Variants in XRCC5 observed in about 807,000 individuals in gnomAD.
XRCC5 encodes the protein DNA repair protein Ku80.
XRCC5 carries 12 observed loss-of-function variants against 95.7 expected under a neutral mutation model. The ratio of observed to expected loss-of-function variants is 0.13; its 90% CI spans 0.08 to 0.20. XRCC5 has a LOEUF of 0.20. Among genes scored for constraint, XRCC5 ranks in the 10% least tolerant of loss-of-function variants. The pLI is 1.00. For missense variants in XRCC5, 595 were observed against 873.9 expected (o/e 0.68, Z 4.02); for synonymous variants, 281 against 290.3 (o/e 0.97, Z 0.33).
intron 2 of XRCC5, among the ~76,000 whole-genome samples, chr2:216,115,708 CATT>C (rs1262943767): frequency 6.6e-6 from 1 of 152,102 alleles, no homozygotes; most frequent in Admixed American, 6.5e-5. Context: ...TTTTATATTT[CATT>C]ATGAAATATT....
chr2:216,174,931 C>A, intron 16 of XRCC5: 1 of 344,458 alleles, frequency 2.9e-6, no homozygotes, highest in Non-Finnish European at 5.6e-6. Context: ...ACGTCTACCG[C>A]CAGATCCGTA....
chr2:216,156,145 T>A (rs139671387), intron 14 of XRCC5, among the ~76,000 whole-genome samples: 2 of 152,364 alleles, frequency 1.3e-5, no homozygotes, highest in African/African-American at 4.8e-5. Context: ...TCATACAGAT[T>A]TCACAGCTTT....
rs1322923590 is a variant in XRCC5 at position 216,122,242 on chromosome 2, T to G, written c.672T>G (p.Ile224Met). The change falls in exon 6 of 21, where the codon ATT becomes ATG. Residue 224 changes from isoleucine (I) to methionine (M), a missense_variant. Around this residue, in one of 2 missense-constraint regions of XRCC5, gnomAD observed 286 missense variants for 491.1 expected, o/e 0.58. Transcript: ENST00000392132. ...AAGGTGAAGATGGGTTGGATGAAAT[T>G]TATTCATTCAGGTAAGAATTGAAAA... ...SLEGEDGLDEIYSFSESLRKL... is the reference protein window; with the variant it reads ...SLEGEDGLDEMYSFSESLRKL... The G allele has an allele frequency of 6.2e-7, 1 of 1,609,032 alleles. No individual in the cohort carries two copies. Among genetic ancestry groups the G allele is most frequent in the East Asian group, 2.2e-5 (1 of 44,864 alleles).
Position 216,138,130 on chromosome 2 carries a change from G to A in XRCC5, c.1293G>A (p.Arg431=), listed in dbSNP as rs778855570. The A allele has an allele frequency of 9.9e-6, 16 of 1,613,298 alleles. No homozygotes were observed. Among genetic ancestry groups the A allele is most frequent in the Non-Finnish European group, 1.4e-5 (16 of 1,179,916 alleles). Residue 431 remains arginine, a synonymous_variant, in exon 12 of 21, where the codon CGG becomes CGA. Coordinates refer to ENST00000392132, the MANE Select transcript of XRCC5 (RefSeq NM_021141.4). Reference sequence around the variant, plus strand: ...AGCTGCCTTTCATGGAAGACTTGCGGCAATACATGTTTTCATCCTTGAAAA... The same window carrying A: ...AGCTGCCTTTCATGGAAGACTTGCGACAATACATGTTTTCATCCTTGAAAA... ...YVQLPFMEDL[R]QYMFSSLKNS...
intron 16 of XRCC5, among the ~76,000 whole-genome samples, chr2:216,187,528 A>G (rs1259333167): frequency 7.7e-6 from 1 of 129,182 alleles, no homozygotes; most frequent in Non-Finnish European, 1.6e-5. Flanking sequence ...GTGTTCTATC[A>G]TATTTCAGGA....
chr2:216,187,861 T>TCTCTCTCCCC (rs143232624), intron 16 of XRCC5, among the ~76,000 whole-genome samples: 1 of 116,234 alleles, frequency 8.6e-6, no homozygotes, highest in African/African-American at 4.2e-5. Context: ...TCTCTCTCTC[T>TCTCTCTCCCC]CCCCGTCTCC....
At chr2:216,194,169 G>A (rs761527428) in intron 18 of XRCC5, among the ~76,000 whole-genome samples, 2 of 152,128 alleles carry the variant, frequency 1.3e-5, no homozygotes, top group Non-Finnish European at 2.9e-5. Flanking sequence ...CTCTCTTAAC[G>A]TCCATAGGTT....
intron 19 of XRCC5, 60 bp downstream of exon 19, chr2:216,195,046 A>T: frequency 6.5e-7 from 1 of 1,534,058 alleles, no homozygotes. Context: ...TATTTTCTTG[A>T]TACCCTCGAA....
chr2:216,203,342 C>T (rs772457366), intron 19 of XRCC5, among the ~76,000 whole-genome samples: 1 of 152,222 alleles, frequency 6.6e-6, no homozygotes, highest in Non-Finnish European at 1.5e-5. Flanking sequence ...AAAACACTCA[C>T]TCCTACAGGC....
In XRCC5 at chr2:216,192,629, G is replaced by C. The variant is rs1353442208; in HGVS notation, c.1945-10G>C. The C allele has an allele frequency of 6.4e-7, 1 of 1,569,838 alleles. No individual in the cohort carries two copies. The highest frequency in any genetic ancestry group is 1.8e-5 in the Admixed American group (1 of 54,534). On this transcript the variant is annotated splice_polypyrimidine_tract_variant and intron_variant, in intron 17 of 20. Transcript: ENST00000392132. ...CTTGCTGCCTCCTCTACCCCAACTT[G>C]CTACCACAGTTTTCAGAAGAGCAGC... is the stretch of plus-strand genomic sequence containing the variant.
chr2:216,114,901 T>C (rs1458635849), intron 2 of XRCC5, among the ~76,000 whole-genome samples: 1 of 152,154 alleles, frequency 6.6e-6, no homozygotes, highest in Non-Finnish European at 1.5e-5. Flanking sequence ...CGGCCCCCTC[T>C]TAAGCAGTAG....
intron 16 of XRCC5, among the ~76,000 whole-genome samples, chr2:216,187,311 T>TA (rs1559260968): frequency 2.6e-5 from 4 of 152,062 alleles, no homozygotes; most frequent in African/African-American, 7.3e-5. Flanking sequence ...TTTTTTTTTT[T>TA]ACAAAGAAAC....
intron 16 of XRCC5, among the ~76,000 whole-genome samples, chr2:216,178,296 T>C (rs1180419669): frequency 6.6e-6 from 1 of 152,210 alleles, no homozygotes; most frequent in Non-Finnish European, 1.5e-5. Context: ...CAAATAGTAA[T>C]ATAATAGCAT....
At chr2:216,191,258 A>G (rs1168016819) in intron 17 of XRCC5, among the ~76,000 whole-genome samples, 1 of 152,214 alleles carries the variant, frequency 6.6e-6, no homozygotes, top group Admixed American at 6.5e-5. Context: ...GGAGTGTCTT[A>G]TAACACCTCT....
intron 16 of XRCC5, among the ~76,000 whole-genome samples, chr2:216,189,165 T>C (rs1574431112): frequency 6.6e-6 from 1 of 152,270 alleles, no homozygotes; most frequent in Non-Finnish European, 1.5e-5. Flanking sequence ...GGGGCCTTTA[T>C]TGGTAAAGCT....
chr2:216,122,103 G>A lies in XRCC5; in HGVS notation c.533G>A (p.Arg178Lys). ...SLGKEDGSGDRGDGPFRLGGH... is the reference protein window; with the variant it reads ...SLGKEDGSGDKGDGPFRLGGH... ...GGCAAGGAAGATGGAAGTGGGGACAGAGGAGATGGCCCCTTTCGCTTAGGT... is the reference window on the plus strand; with the variant it reads ...GGCAAGGAAGATGGAAGTGGGGACAAAGGAGATGGCCCCTTTCGCTTAGGT... Residue 178 changes from arginine to lysine, a missense_variant, in exon 6 of 21, where the codon AGA becomes AAA. Arg to Lys is a conservative substitution (Grantham distance 26, BLOSUM62 2). Coordinates refer to ENST00000392132, the MANE Select transcript of XRCC5 (RefSeq NM_021141.4). 6.2e-7 allele frequency: 1 copy of A among 1,614,062 alleles called. No individual in the cohort carries two copies. The highest frequency in any genetic ancestry group is 8.5e-7 in the Non-Finnish European group (1 of 1,179,974).
At chr2:216,151,163 A>G (rs1286618820) in intron 14 of XRCC5, among the ~76,000 whole-genome samples, 3 of 152,178 alleles carry the variant, frequency 2.0e-5, no homozygotes, top group Admixed American at 6.5e-5. Flanking sequence ...GGACTTGTTG[A>G]ATACCTAGTG....
At position 216,175,928 on chromosome 2, in the gene XRCC5, C is replaced by T. The variant is rs185223279; in HGVS notation, c.1834+13880C>T. The T allele has an allele frequency of 2.4e-3, 932 of 383,348 alleles. 6 individuals are homozygous for T. The highest frequency in any genetic ancestry group is 3.2e-3 in the Non-Finnish European group (636 of 200,362). The allele number at this position is 383,348 out of a possible 1,614,324, so 23.7% of individuals were successfully genotyped here. ...ACCACCAATAAACAATTTTCTCAGC[C>T]GCGCTGGATTCCTTTGGATCATGGC... On this transcript the variant is annotated intron_variant, in intron 16 of 20. Coordinates refer to ENST00000392132, the MANE Select transcript of XRCC5 (RefSeq NM_021141.4).
chr2:216,195,756 G>A (rs1366541530), intron 19 of XRCC5, among the ~76,000 whole-genome samples: 1 of 152,182 alleles, frequency 6.6e-6, no homozygotes, highest in East Asian at 1.9e-4. Context: ...CCTCAAGGTT[G>A]TGATGAAATT....
Sources: allele counts gnomAD v4.1 joint callset (sites outside exome capture counted in the v4.1 genomes callset), GRCh38; gene constraint gnomAD v4.1.1; regional missense constraint gnomAD v4.1.1; transcripts MANE v1.5; gene names NCBI Gene and HGNC (gene_info 2026-07-23, HGNC 2026-07-21).